Variants in KIF3C observed in about 807,000 individuals in gnomAD.
KIF3C encodes kinesin-like protein KIF3C.
A neutral mutation model predicts 67.7 loss-of-function variants in KIF3C; 12 were observed. The ratio of observed to expected loss-of-function variants is 0.18; its 90% confidence interval spans 0.11 to 0.29. The LOEUF (loss-of-function observed/expected upper bound fraction) is 0.29, where lower values mean the gene tolerates loss of function less well. Among genes scored for constraint, KIF3C ranks in the 10% least tolerant of loss-of-function variants. The probability of loss-of-function intolerance (pLI) is 1.00; values close to 1 mark genes in which losing one functional copy is unlikely to be tolerated. For synonymous variants in KIF3C, 393 were observed against 426.2 expected (o/e 0.92, Z 0.96); for missense variants, 789 against 1,059.6 (o/e 0.74, Z 3.55).
intron 1 of KIF3C, among the ~76,000 whole-genome samples, chr2:25,963,042 AT>A (rs1664037389): frequency 8.2e-5 from 5 of 60,796 alleles, no homozygotes; most frequent in African/African-American, 9.4e-5. Flanking sequence ...ATAATATATA[AT>A]ATATAAATAT....
chr2:25,962,981 A>AAT lies in KIF3C; in HGVS notation c.1546-6539_1546-6538dup, dbSNP rs1553715937. On this transcript the variant is annotated intron_variant, in intron 1 of 7. Transcript: ENST00000264712. ...ATAATATATATAATATATAATATAT[A>AAT]ATATATAATATATATAATATATAAT... 4.8e-4 allele frequency among the ~76,000 whole-genome samples: 21 copies of AAT among 44,078 alleles called. 2 individuals are homozygous for AAT. The highest frequency in any genetic ancestry group is 1.8e-3 in the Admixed American group (4 of 2,186). The allele number at this position is 44,078 out of a possible 152,430, so 28.9% of individuals were successfully genotyped here.
intron 4 of KIF3C, among the ~76,000 whole-genome samples, chr2:25,953,360 A>T (rs2149232769): frequency 6.6e-6 from 1 of 152,164 alleles, no homozygotes; most frequent in South Asian, 2.1e-4. Context: ...AAACAAATTT[A>T]AAAATAATTT....
intron 1 of KIF3C, among the ~76,000 whole-genome samples, chr2:25,970,667 C>CAAAAAAAAAAAAAAAAAA (rs397984116): frequency 1.8e-5 from 1 of 54,788 alleles, no homozygotes; most frequent in Non-Finnish European, 3.2e-5. Flanking sequence ...AACTTTGTCT[C>CAAAAAAAAAAAAAAAAAA]AAAAAAAAAA....
At chr2:25,942,850 G>A (rs1262787336) in intron 5 of KIF3C, among the ~76,000 whole-genome samples, 1 of 152,200 alleles carries the variant, frequency 6.6e-6, no homozygotes, top group African/African-American at 2.4e-5. Context: ...TCCAAAATAA[G>A]TTGATTAGGA....
At chr2:25,968,312 A>T (rs753118862) in intron 1 of KIF3C, among the ~76,000 whole-genome samples, 1 of 152,220 alleles carries the variant, frequency 6.6e-6, no homozygotes, top group Non-Finnish European at 1.5e-5. Context: ...TCAAGAAGAA[A>T]GAACAATTTG....
intron 1 of KIF3C, among the ~76,000 whole-genome samples, chr2:25,972,449 G>C (rs1248076577): frequency 1.3e-5 from 2 of 152,218 alleles, no homozygotes; most frequent in African/African-American, 4.8e-5. Flanking sequence ...CACCAGGGAT[G>C]AGAAGGAATA....
At chr2:25,970,203 T>C (rs1276825234) in intron 1 of KIF3C, among the ~76,000 whole-genome samples, 2 of 152,110 alleles carry the variant, frequency 1.3e-5, no homozygotes, top group Non-Finnish European at 2.9e-5. Flanking sequence ...GAGGTGAAGA[T>C]CATGGGTTAT....
chr2:25,947,513 G>A lies in KIF3C; in HGVS notation c.2006+4276C>T, dbSNP rs192251819. ...GGAGAATGGCGTGAACCCGGGAGGT[G>A]GAGCTTGCAGTGAGCTGAGATAGCG... is the stretch of plus-strand genomic sequence containing the variant. On this transcript the variant is annotated intron_variant, in intron 5 of 7. Transcript: ENST00000264712. Among the ~76,000 whole-genome samples, 8 of 151,932 alleles carry A rather than the reference G, an allele frequency of 5.3e-5. No homozygotes were observed. The East Asian group carries it at 1.6e-3, about 30-fold the overall frequency.
At chr2:25,963,581 A>G (rs1165058753) in intron 1 of KIF3C, among the ~76,000 whole-genome samples, 1 of 151,792 alleles carries the variant, frequency 6.6e-6, no homozygotes. Context: ...CTTGGAACAT[A>G]TTGTCAATTA....
intron 5 of KIF3C, among the ~76,000 whole-genome samples, chr2:25,935,910 T>C (rs1463216057): frequency 1.3e-5 from 2 of 149,378 alleles, no homozygotes; most frequent in Non-Finnish European, 1.5e-5. Flanking sequence ...ACCCCATCTC[T>C]ACTAAAAAAA....
In KIF3C at chr2:25,928,677, C is replaced by G. The variant is rs903962988; in HGVS notation, c.*301G>C. 4.2e-6 allele frequency: 1 copy of G among 235,980 alleles called. No homozygotes were observed. The highest frequency in any genetic ancestry group is 8.3e-6 in the Non-Finnish European group (1 of 120,226). 14.6% of individuals were successfully genotyped at this position (235,980 alleles called of 1,614,324 possible). On this transcript the variant is annotated 3_prime_UTR_variant, in exon 8 of 8. Transcript: ENST00000264712. ...GCTGACAGGGGGACAAGCCTGAGAT[C>G]TGACTGGGGGAGCTCTCAAGTCAGA...
At chr2:25,967,089 G>A (rs1664162130) in intron 1 of KIF3C, among the ~76,000 whole-genome samples, 1 of 152,158 alleles carries the variant, frequency 6.6e-6, no homozygotes, top group African/African-American at 2.4e-5. Flanking sequence ...GCAGCATTTG[G>A]TATTTGTACC....
At position 25,942,415 on chromosome 2, in the gene KIF3C, A is replaced by AT. The variant is rs1553713886; in HGVS notation, c.2006+9373dup. 4.8e-5 allele frequency among the ~76,000 whole-genome samples: 7 copies of AT among 146,014 alleles called. No homozygotes were observed. In the East Asian group the frequency reaches 1.2e-3, roughly 25 times the overall value. ...TTGCTAGACCTAGTTGCAAAAAAAAATTTTTTTTTTTTGAGATGGAGTTTC... is the reference window on the plus strand; with the variant it reads ...TTGCTAGACCTAGTTGCAAAAAAAAATTTTTTTTTTTTTGAGATGGAGTTTC... On this transcript the variant is annotated intron_variant, in intron 5 of 7. Transcript: ENST00000264712.
chr2:25,962,960 T>TACATATAATATATAATATATAATATATA (rs1664018536), intron 1 of KIF3C, among the ~76,000 whole-genome samples: 1 of 31,998 alleles, frequency 3.1e-5, no homozygotes, highest in Non-Finnish European at 4.5e-5. Context: ...TAATATATAA[T>TACATATAATATATAATATATAATATATA]ATATATAATA....
At chr2:25,967,499 A>G (rs1664173505) in intron 1 of KIF3C, among the ~76,000 whole-genome samples, 1 of 152,196 alleles carries the variant, frequency 6.6e-6, no homozygotes, top group Non-Finnish European at 1.5e-5. Context: ...GCTACCTTTC[A>G]GGCCTTGGGT....
intron 5 of KIF3C, chr2:25,934,266 T>C (rs1171651688): frequency 4.6e-6 from 2 of 439,052 alleles, no homozygotes; most frequent in Non-Finnish European, 9.3e-6. Flanking sequence ...TCAGGGTTTC[T>C]TTTTGGAGTG....
rs201611427 is a variant in KIF3C at position 25,951,782 on chromosome 2, G to A, written c.2006+7C>T. ...CCCCAGCCCAGACAGCTGGGTTAGA[G>A]ACTCACACGCCGGCTGGCACCAGTG... On this transcript the variant is annotated splice_region_variant and intron_variant, in intron 5 of 7. Transcript: ENST00000264712. 678 of 1,600,796 alleles carry A rather than the reference G, an allele frequency of 4.2e-4. 1 individual carries two copies. The highest frequency in any genetic ancestry group is 5.3e-4 in the Non-Finnish European group (622 of 1,168,522).
intron 4 of KIF3C, among the ~76,000 whole-genome samples, chr2:25,953,670 TTG>T (rs1315540948): frequency 3.2e-4 from 42 of 129,398 alleles, no homozygotes; most frequent in African/African-American, 1.3e-3. Flanking sequence ...TTTTTTGTTT[TTG>T]TTTTTTTTTT....
rs1664599805 is a variant in KIF3C, at chr2:25,981,692, CGTCAT to C, written c.221_225del (p.Tyr74Ter). 1 of 1,613,886 alleles carries C rather than the reference CGTCAT, an allele frequency of 6.2e-7. No homozygotes were observed. Among genetic ancestry groups the C allele is most frequent in the South Asian group, 1.1e-5 (1 of 91,082 alleles). On this transcript the variant is annotated frameshift_variant, in exon 1 of 8. Transcript: ENST00000264712. LOFTEE classifies it high-confidence loss of function. The surrounding 1 kb of genome is among the most constrained non-coding windows in gnomAD (Gnocchi z 8.2). ...GAGTCTATCAGGGGCCTCACGGTTT[CGTCAT>C]ACAGGTCGGCCTGCTTGGAGCTGGC...
Sources: allele counts gnomAD v4.1 joint callset (sites outside exome capture counted in the v4.1 genomes callset), GRCh38; gene constraint gnomAD v4.1.1; non-coding constraint Gnocchi (gnomAD v3.1); transcripts MANE v1.5; gene names NCBI Gene and HGNC (gene_info 2026-07-23, HGNC 2026-07-21).